ESRRG: variants seen among roughly 807,000 people sequenced by gnomAD.
The protein encoded by ESRRG is estrogen related receptor gamma.
ESRRG carries 13 observed loss-of-function variants against 44.0 expected under a neutral mutation model. That is an observed-to-expected ratio of 0.30 (90% CI 0.19 to 0.47). The LOEUF is 0.47. Among genes scored for constraint, ESRRG ranks in the 20% least tolerant of loss-of-function variants. ESRRG has a pLI of 1.00. For synonymous variants in ESRRG, 215 were observed against 214.6 expected, an observed-to-expected ratio of 1.00 and a Z score of -0.02; for missense variants, 395 against 580.6, an observed-to-expected ratio of 0.68 and a Z score of 3.29.
At chr1:216,776,434 T>A (rs1217449844) in intron 2 of ESRRG, among the ~76,000 whole-genome samples, 1 of 152,052 alleles carries the variant, frequency 6.6e-6, no homozygotes, top group Non-Finnish European at 1.5e-5. Flanking sequence ...CCTAGCCCTG[T>A]TCTAGCACTT....
intron 2 of ESRRG, among the ~76,000 whole-genome samples, chr1:216,868,828 C>T (rs934743005): frequency 2.0e-5 from 3 of 152,040 alleles, no homozygotes; most frequent in Non-Finnish European, 2.9e-5. Context: ...TGGCATTGAA[C>T]GTCCTTTCAT....
chr1:216,539,761 G>T (rs1032646302), intron 5 of ESRRG, among the ~76,000 whole-genome samples: 1 of 151,986 alleles, frequency 6.6e-6, no homozygotes, highest in Admixed American at 6.6e-5. Context: ...AGCATTAGCA[G>T]TGTATTGTGA....
chr1:217,060,655 G>T (rs1456597876), intron 1 of ESRRG, among the ~76,000 whole-genome samples: 1 of 152,018 alleles, frequency 6.6e-6, no homozygotes, highest in East Asian at 1.9e-4. Context: ...ACTGTGCCAT[G>T]CATATAAAAT....
chr1:216,894,222 G>A (rs1200749533), intron 2 of ESRRG, among the ~76,000 whole-genome samples: 3 of 152,106 alleles, frequency 2.0e-5, no homozygotes, highest in Non-Finnish European at 4.4e-5. Flanking sequence ...GTCAGATCAG[G>A]AAACTATGAC....
At chr1:216,887,875 A>G (rs2149372170) in intron 2 of ESRRG, among the ~76,000 whole-genome samples, 1 of 152,316 alleles carries the variant, frequency 6.6e-6, no homozygotes, top group Admixed American at 6.5e-5. Flanking sequence ...TAAAAATGTT[A>G]GTTTTCAGTC....
intron 1 of ESRRG, among the ~76,000 whole-genome samples, chr1:216,709,341 G>GTATATA (rs1483599909): frequency 1.4e-4 from 6 of 42,768 alleles, no homozygotes; most frequent in East Asian, 8.5e-4. Flanking sequence ...GTGTGTGTGT[G>GTATATA]TGTATATATA....
At chr1:216,599,696 G>C (rs2058932537) in intron 3 of ESRRG, among the ~76,000 whole-genome samples, 1 of 151,802 alleles carries the variant, frequency 6.6e-6, no homozygotes, top group Non-Finnish European at 1.5e-5. Flanking sequence ...AAAAAAAATT[G>C]ACCATTTCCA....
intron 3 of ESRRG, among the ~76,000 whole-genome samples, chr1:216,623,208 G>A (rs535556641): frequency 1.5e-4 from 22 of 145,836 alleles, no homozygotes; most frequent in Non-Finnish European, 2.1e-4. Context: ...TCAGCCTCCC[G>A]AGTTGCTGGG....
At chr1:216,945,331 C>T (rs896831051) in intron 1 of ESRRG, among the ~76,000 whole-genome samples, 2 of 151,930 alleles carry the variant, frequency 1.3e-5, no homozygotes, top group African/African-American at 4.8e-5. Context: ...GAACTGAGAG[C>T]CATCAATTAT....
chr1:217,001,446 A>T (rs577710499), intron 1 of ESRRG, among the ~76,000 whole-genome samples: 12 of 152,368 alleles, frequency 7.9e-5, no homozygotes, highest in Non-Finnish European at 8.8e-5. Flanking sequence ...TCCTTCATTC[A>T]ATCACACACA....
At chr1:216,654,907 T>C (rs1466837830) in intron 2 of ESRRG, among the ~76,000 whole-genome samples, 1 of 152,208 alleles carries the variant, frequency 6.6e-6, no homozygotes, top group African/African-American at 2.4e-5. Flanking sequence ...TACTTTATAA[T>C]TGGAGCTACA....
At position 217,086,844 on chromosome 1, in the gene ESRRG, G is replaced by A. The variant is rs12066573; in HGVS notation, c.-106+2663C>T. On this transcript the variant is annotated intron_variant, in intron 1 of 7. Transcript: ENST00000359162. ...GTGTCTAATTGAAACCAATTTCATAGATCAATCTGTAAGGCATACTTTAAC... is the reference window on the plus strand; with the variant it reads ...GTGTCTAATTGAAACCAATTTCATAAATCAATCTGTAAGGCATACTTTAAC... 3.9e-3 allele frequency among the ~76,000 whole-genome samples: 598 copies of A among 152,276 alleles called. 4 individuals are homozygous for A. Among genetic ancestry groups the A allele is most frequent in the African/African-American group, 0.014 (566 of 41,556 alleles).
chr1:216,661,716 C>G (rs2072481530), intron 2 of ESRRG, among the ~76,000 whole-genome samples: 1 of 149,546 alleles, frequency 6.7e-6, no homozygotes, highest in East Asian at 2.1e-4. Context: ...TTCTTGGATG[C>G]TATCAATGTG....
chr1:217,103,527 T>G lies in ESRRG; in HGVS notation c.-230+34140A>C, dbSNP rs141215031. Among the ~76,000 whole-genome samples, 650 of 150,584 alleles carry G rather than the reference T, an allele frequency of 4.3e-3. 3 individuals are homozygous for G. The highest frequency in any genetic ancestry group is 6.5e-3 in the Non-Finnish European group (439 of 67,750). Reference sequence around the variant, plus strand: ...AAAAGGTCAGCCAAGCATGGTGGCATGTGCTTGTGGTCCCAGCTACTTGAG... The same window carrying G: ...AAAAGGTCAGCCAAGCATGGTGGCAGGTGCTTGTGGTCCCAGCTACTTGAG... On this transcript the variant is annotated intron_variant, in intron 1 of 8. Coordinates refer to the ESRRG transcript ENST00000366940.
chr1:216,844,845 G>T (rs1475395291), intron 2 of ESRRG, among the ~76,000 whole-genome samples: 2 of 151,968 alleles, frequency 1.3e-5, no homozygotes, highest in Non-Finnish European at 2.9e-5. Context: ...CAAAAACAAT[G>T]ACTGTACAAG....
At chr1:216,742,062 C>G (rs1483904014) in intron 2 of ESRRG, among the ~76,000 whole-genome samples, 1 of 152,148 alleles carries the variant, frequency 6.6e-6, no homozygotes, top group Non-Finnish European at 1.5e-5. Context: ...AAATTCAAGT[C>G]TATTCATAAC....
At chr1:216,823,568 A>G (rs2095338364) in intron 2 of ESRRG, among the ~76,000 whole-genome samples, 1 of 152,186 alleles carries the variant, frequency 6.6e-6, no homozygotes, top group Non-Finnish European at 1.5e-5. Context: ...GAAAAACACA[A>G]GAGAAAACTC....
chr1:216,600,328 A>G (rs757291424), intron 3 of ESRRG, among the ~76,000 whole-genome samples: 3 of 152,166 alleles, frequency 2.0e-5, no homozygotes, highest in African/African-American at 4.8e-5. Flanking sequence ...ACCCCCACAT[A>G]AACTATGGAC....
chr1:216,727,624 C>T (rs1339797528), upstream of ESRRG, among the ~76,000 whole-genome samples: 1 of 152,096 alleles, frequency 6.6e-6, no homozygotes, highest in African/African-American at 2.4e-5. Flanking sequence ...ATTCATCATT[C>T]CTCATTTTCT....
Sources: allele counts gnomAD v4.1 joint callset (sites outside exome capture counted in the v4.1 genomes callset), GRCh38; gene constraint gnomAD v4.1.1; transcripts MANE v1.5; gene names NCBI Gene and HGNC (gene_info 2026-07-23, HGNC 2026-07-21).